Variants in CCR5AS observed in about 807,000 individuals in gnomAD.
CCR5AS encodes CCR5 antisense RNA.
intron 1 of CCR5AS, among the ~76,000 whole-genome samples, chr3:46,395,367 C>T (rs1312780950): frequency 6.6e-6 from 1 of 151,904 alleles, no homozygotes; most frequent in East Asian, 1.9e-4. Context: ...CAGTGGATGC[C>T]GTAGGGGTGG....
At chr3:46,389,375 G>T (rs1701888835) in intron 2 of CCR5AS, among the ~76,000 whole-genome samples, 1 of 152,118 alleles carries the variant, frequency 6.6e-6, no homozygotes, top group Admixed American at 6.5e-5. Context: ...GACCAGGTAG[G>T]GTCCAGTCCA....
At chr3:46,378,353 A>C (rs1281326757) in intron 2 of CCR5AS, among the ~76,000 whole-genome samples, 2 of 152,196 alleles carry the variant, frequency 1.3e-5, no homozygotes, top group Non-Finnish European at 2.9e-5. Flanking sequence ...GCAATTTTAC[A>C]AGACTGACTT....
At chr3:46,370,153 T>A (rs1406339660) in intron 3 of CCR5AS, among the ~76,000 whole-genome samples, 1 of 152,152 alleles carries the variant, frequency 6.6e-6, no homozygotes, top group African/African-American at 2.4e-5. Context: ...TTCAGATAGA[T>A]TATATCTGGA....
chr3:46,380,511 G>T (rs554817114), intron 2 of CCR5AS, among the ~76,000 whole-genome samples: 1 of 152,266 alleles, frequency 6.6e-6, no homozygotes, highest in East Asian at 1.9e-4. Flanking sequence ...GGTTGTTGAG[G>T]ACCAGTGAGC....
Position 46,397,461 on chromosome 3 carries a change from G to T in CCR5AS, n.164-4409C>A, listed in dbSNP as rs188541213. Among the ~76,000 whole-genome samples the T allele has an allele frequency of 8.8e-4, 134 of 152,328 alleles. 1 individual carries two copies. The highest frequency in any genetic ancestry group is 3.2e-3 in the African/African-American group (132 of 41,570). On this transcript the variant is annotated intron_variant and non_coding_transcript_variant, in intron 1 of 3. Transcript: ENST00000451485. ...GATTCTATACAAAAATTTGGACAAG[G>T]TATAGGGAGGCCACAATACACAGTG...
intron 1 of CCR5AS, among the ~76,000 whole-genome samples, chr3:46,406,533 C>G (rs1441962524): frequency 6.6e-6 from 1 of 152,054 alleles, no homozygotes; most frequent in Admixed American, 6.6e-5. Flanking sequence ...ACCCTAGCCC[C>G]CAGCCTCAGT....
chr3:46,379,426 A>C (rs1429550341), intron 2 of CCR5AS, among the ~76,000 whole-genome samples: 1 of 152,152 alleles, frequency 6.6e-6, no homozygotes, highest in African/African-American at 2.4e-5. Context: ...CATATACACC[A>C]TGGTAAATTT....
intron 1 of CCR5AS, among the ~76,000 whole-genome samples, chr3:46,393,495 AGAAG>A (rs1701933733): frequency 6.8e-6 from 1 of 148,022 alleles, no homozygotes. Context: ...AGAAAAAAAA[AGAAG>A]AAGAAAAAAA....
intron 2 of CCR5AS, among the ~76,000 whole-genome samples, chr3:46,377,634 G>A (rs1295665848): frequency 1.3e-5 from 2 of 152,006 alleles, no homozygotes; most frequent in Non-Finnish European, 2.9e-5. Context: ...CACTTATAAT[G>A]AAAACATAAG....
At chr3:46,393,288 A>C (rs1701928239) in intron 1 of CCR5AS, among the ~76,000 whole-genome samples, 1 of 152,066 alleles carries the variant, frequency 6.6e-6, no homozygotes, top group African/African-American at 2.4e-5. Flanking sequence ...CAGTTAAGGC[A>C]GGAGCGGCCT....
rs1046009064 is a variant in CCR5AS at position 46,368,342 on chromosome 3, G to A, written n.565+2902C>T. Among the ~76,000 whole-genome samples the A allele has an allele frequency of 3.9e-5, 6 of 152,224 alleles. No individual in the cohort carries two copies. In the East Asian group the frequency reaches 1.2e-3, roughly 29 times the overall value. On this transcript the variant is annotated intron_variant and non_coding_transcript_variant, in intron 3 of 3. Transcript: ENST00000451485. ...CAAACTGAGAGGGACAAAGTAGAAA[G>A]AGTAGCAGACACCAAGCAACTAAGT...
intron 2 of CCR5AS, among the ~76,000 whole-genome samples, chr3:46,385,146 C>T (rs1296105011): frequency 2.0e-5 from 3 of 152,182 alleles, no homozygotes; most frequent in African/African-American, 7.2e-5. Context: ...CTATTTATCA[C>T]TCCACAGTCC....
At chr3:46,364,268 T>C (rs1240829914), downstream of CCR5AS, among the ~76,000 whole-genome samples, 1 of 152,256 alleles carries the variant, frequency 6.6e-6, no homozygotes, top group Non-Finnish European at 1.5e-5. Flanking sequence ...ATGCAGCTGA[T>C]GACTTTAAGT....
rs561134983 is a variant in CCR5AS at position 46,387,041 on chromosome 3, TAAAG to T, written n.391+5780_391+5783del. 2.8e-4 allele frequency among the ~76,000 whole-genome samples: 42 copies of T among 151,212 alleles called. 1 individual carries two copies. The South Asian group carries it at 8.2e-3, about 29-fold the overall frequency. ...TTTCATAATAAAATTGAGAGAGAGATAAAGAAAGAAAAGAGAAAAGAAGAGAAGA... is the reference window on the plus strand; with the variant it reads ...TTTCATAATAAAATTGAGAGAGAGATAAAGAAAAGAGAAAAGAAGAGAAGA... On this transcript the variant is annotated intron_variant and non_coding_transcript_variant, in intron 2 of 3. Transcript: ENST00000451485.
rs894295914 is a variant in CCR5AS, at chr3:46,401,949, C to T, written n.163+4948G>A. Among the ~76,000 whole-genome samples the T allele has an allele frequency of 1.5e-4, 23 of 152,164 alleles. 1 individual carries two copies. Among genetic ancestry groups the T allele is most frequent in the Admixed American group, 1.3e-3 (20 of 15,282 alleles). ...CATGATCAAAACATTTTGGGAAACA[C>T]TCCATACCCTTTCTTCCTCATGAAG... On this transcript the variant is annotated intron_variant and non_coding_transcript_variant, in intron 1 of 3. Coordinates refer to ENST00000451485, the Ensembl canonical transcript of CCR5AS.
intron 1 of CCR5AS, among the ~76,000 whole-genome samples, chr3:46,405,356 A>G (rs773234541): frequency 1.3e-5 from 2 of 152,228 alleles, no homozygotes; most frequent in African/African-American, 2.4e-5. Context: ...ACTCTGTGAC[A>G]TGCGGTACAT....
At position 46,394,204 on chromosome 3, in the gene CCR5AS, C is replaced by T. The variant is rs534223342; in HGVS notation, n.164-1152G>A. On this transcript the variant is annotated intron_variant and non_coding_transcript_variant, in intron 1 of 3. Coordinates refer to ENST00000451485, the Ensembl canonical transcript of CCR5AS. The stretch of plus-strand genomic sequence containing the variant: ...GGTGAAGGTCAGGAATGCACCTCAA[C>T]ATCCTGGAACACTCAGGACAATCCC... 4.6e-5 allele frequency among the ~76,000 whole-genome samples: 7 copies of T among 152,294 alleles called. 1 individual carries two copies. Among genetic ancestry groups the T allele is most frequent in the African/African-American group, 1.7e-4 (7 of 41,550 alleles).
intron 1 of CCR5AS, among the ~76,000 whole-genome samples, chr3:46,399,138 A>G (rs1701985930): frequency 6.6e-6 from 1 of 152,198 alleles, no homozygotes; most frequent in Non-Finnish European, 1.5e-5. Flanking sequence ...ACAGGTGTCA[A>G]AAAATCTTAA....
At chr3:46,373,090 G>A in intron 2 of CCR5AS, 1 of 1,614,192 alleles carries the variant, frequency 6.2e-7, no homozygotes, top group South Asian at 1.1e-5. Flanking sequence ...AGGCTGAAGA[G>A]CATGACTGAC....
Sources: gnomAD v4.1 joint callset for allele counts (sites outside exome capture counted in the v4.1 genomes callset) on GRCh38, gnomAD v4.1.1 for gene constraint, MANE v1.5 for transcripts, NCBI Gene and HGNC (gene_info 2026-07-23, HGNC 2026-07-21) for gene names.